ITPR2: variants seen among roughly 807,000 people sequenced by gnomAD.
ITPR2 encodes inositol 1,4,5-trisphosphate receptor type 2.
Under a neutral mutation model 317.1 loss-of-function variants are expected in ITPR2, and 207 were observed. The ratio of observed to expected loss-of-function variants is 0.65; its 90% CI spans 0.58 to 0.73. ITPR2 has a LOEUF of 0.73. Among genes scored for constraint, ITPR2 ranks in the 30% least tolerant of loss-of-function variants. The pLI is 0.00. For missense variants in ITPR2, 2,613 were observed against 3,284.0 expected (o/e 0.80, Z 4.99); for synonymous variants, 1,156 against 1,149.1 (o/e 1.01, Z -0.12).
chr12:26,752,569 T>G (rs1293440234), intron 2 of ITPR2, among the ~76,000 whole-genome samples: 3 of 152,174 alleles, frequency 2.0e-5, no homozygotes, highest in African/African-American at 7.2e-5. Context: ...AGGGGAGGCA[T>G]GAATAATCCA....
At chr12:26,777,628 C>T (rs935115781) in intron 2 of ITPR2, among the ~76,000 whole-genome samples, 11 of 152,152 alleles carry the variant, frequency 7.2e-5, no homozygotes, top group African/African-American at 2.7e-4. Context: ...TTGATAAATG[C>T]ATTCCTACTT....
At position 26,494,075 on chromosome 12, in the gene ITPR2, A is replaced by G. The variant is rs906107776; in HGVS notation, c.5370+78T>C. 12 of 1,135,452 alleles carry G rather than the reference A, an allele frequency of 1.1e-5. No homozygotes were observed. In the African/African-American group the frequency reaches 1.6e-4, roughly 15 times the overall value. The allele number at this position is 1,135,452 out of a possible 1,614,324, so 70.3% of individuals were successfully genotyped here. ...TAATAAGAGCTAAAAGAAACACATT[A>G]CTTTTCCTTGGTTTCTGTGACAAGT... On this transcript the variant is annotated intron_variant, in intron 39 of 56. Coordinates refer to ENST00000381340, the MANE Select transcript of ITPR2 (RefSeq NM_002223.4).
At position 26,494,307 on chromosome 12, in the gene ITPR2, C is replaced by T. The variant is rs770729289; in HGVS notation, c.5216G>A (p.Gly1739Glu). The change falls in exon 39 of 57, where the codon GGG becomes GAG. Residue 1739 changes from glycine to glutamate, a missense_variant. Around this residue, in one of 9 missense-constraint regions of ITPR2, gnomAD observed 926 missense variants for 1,072.8 expected, o/e 0.86. Transcript: ENST00000381340. The stretch of plus-strand genomic sequence containing the variant: ...ACACTGAATGTCTGACATTGATATC[C>T]CCATCTTATCTGAATCTTGTCCAGA... ...SFSGQDSDKMGISMSDIQCLL... is the reference protein window; with the variant it reads ...SFSGQDSDKMEISMSDIQCLL... 9 of 1,610,294 alleles carry T rather than the reference C, an allele frequency of 5.6e-6. No individual in the cohort carries two copies. Among genetic ancestry groups the T allele is most frequent in the Non-Finnish European group, 6.8e-6 (8 of 1,178,812 alleles).
chr12:26,647,678 A>T (rs1947144673), intron 21 of ITPR2, among the ~76,000 whole-genome samples: 1 of 152,216 alleles, frequency 6.6e-6, no homozygotes, highest in Admixed American at 6.5e-5. Context: ...ACTGAGAGCA[A>T]ATCGTAAGTA....
At chr12:26,735,497 G>C (rs899338060) in intron 2 of ITPR2, among the ~76,000 whole-genome samples, 5 of 152,188 alleles carry the variant, frequency 3.3e-5, no homozygotes, top group Non-Finnish European at 2.9e-5. Context: ...GAGAGGGAGA[G>C]GGGGAAGGGA....
intron 34 of ITPR2, among the ~76,000 whole-genome samples, chr12:26,564,831 C>T (rs1439254419): frequency 1.3e-5 from 2 of 152,146 alleles, no homozygotes; most frequent in Non-Finnish European, 2.9e-5. Flanking sequence ...TCCTAGTCTC[C>T]AAATTGTGAG....
intron 49 of ITPR2, among the ~76,000 whole-genome samples, chr12:26,423,816 C>T (rs1005526875): frequency 1.5e-4 from 23 of 152,122 alleles, no homozygotes; most frequent in African/African-American, 5.5e-4. Flanking sequence ...GAGAAAAAAA[C>T]ACTTGAATTT....
At chr12:26,775,945 T>TACATATATATATATATATACATAC (rs1949957183) in intron 2 of ITPR2, among the ~76,000 whole-genome samples, 1 of 145,514 alleles carries the variant, frequency 6.9e-6, no homozygotes, top group Admixed American at 7.0e-5. Context: ...TATATATATA[T>TACATATATATATATATATACATAC]ATGTATATGT....
chr12:26,416,234 G>A (rs1315402751), intron 50 of ITPR2, among the ~76,000 whole-genome samples: 1 of 152,120 alleles, frequency 6.6e-6, no homozygotes, highest in Non-Finnish European at 1.5e-5. Flanking sequence ...CTATGCACTA[G>A]TCAAGCTATG....
chr12:26,487,337 G>A lies in ITPR2; in HGVS notation c.5371-86C>T, dbSNP rs113994449. ...CTTGAACTAAACATAAGCATTATAG[G>A]CAAAAGCACACACTTAATGCACCAC... On this transcript the variant is annotated intron_variant, in intron 39 of 56. Transcript: ENST00000381340. 8.6e-4 allele frequency: 797 copies of A among 931,522 alleles called. 7 individuals carry two copies. In the African/African-American group the frequency reaches 0.012, roughly 14 times the overall value. 57.7% of individuals were successfully genotyped at this position (931,522 alleles called of 1,614,324 possible).
intron 10 of ITPR2, among the ~76,000 whole-genome samples, chr12:26,687,668 T>G (rs1461887710): frequency 6.6e-6 from 1 of 152,210 alleles, no homozygotes; most frequent in Non-Finnish European, 1.5e-5. Flanking sequence ...GCCTTGCTTT[T>G]TGGCCTCTTC....
intron 21 of ITPR2, among the ~76,000 whole-genome samples, chr12:26,634,165 T>C (rs978509907): frequency 3.3e-5 from 5 of 152,210 alleles, no homozygotes; most frequent in African/African-American, 4.8e-5. Context: ...AGGCCTCAAA[T>C]TAAAAATGCT....
At chr12:26,472,644 C>G (rs1291781347) in intron 45 of ITPR2, among the ~76,000 whole-genome samples, 1 of 152,170 alleles carries the variant, frequency 6.6e-6, no homozygotes, top group Non-Finnish European at 1.5e-5. Flanking sequence ...CCACCATCAT[C>G]TTTGCATATG....
At position 26,602,614 on chromosome 12, in the gene ITPR2, G is replaced by A. The variant is rs370950302; in HGVS notation, c.3552+3C>T. 126 of 1,604,016 alleles carry A rather than the reference G, an allele frequency of 7.9e-5. 1 individual carries two copies. Among genetic ancestry groups the A allele is most frequent in the Middle Eastern group, 1.6e-4 (1 of 6,068 alleles). ...TATATAAGAATATTTTGTATCTGCC[G>A]ACCTCCTTTACAATCCGGTAGTTAT... On this transcript the variant is annotated splice_donor_region_variant and intron_variant, in intron 27 of 56. Coordinates refer to ENST00000381340, the MANE Select transcript of ITPR2 (RefSeq NM_002223.4).
chr12:26,482,885 C>T (rs886785264), intron 42 of ITPR2, among the ~76,000 whole-genome samples: 1 of 152,148 alleles, frequency 6.6e-6, no homozygotes, highest in Non-Finnish European at 1.5e-5. Flanking sequence ...TTGATGTTTG[C>T]TCTCAATGAC....
At chr12:26,735,308 G>A (rs1949102015) in intron 2 of ITPR2, among the ~76,000 whole-genome samples, 1 of 152,088 alleles carries the variant, frequency 6.6e-6, no homozygotes, top group African/African-American at 2.4e-5. Flanking sequence ...GGCCTAGCCA[G>A]GCTTGAAATC....
chr12:26,360,082 T>C (rs1938778090), intron 55 of ITPR2, among the ~76,000 whole-genome samples: 1 of 152,142 alleles, frequency 6.6e-6, no homozygotes, highest in Admixed American at 6.6e-5. Context: ...TCTATTTTTG[T>C]CTCCGTTTCT....
chr12:26,418,434 T>C (rs1338825672), intron 50 of ITPR2, among the ~76,000 whole-genome samples: 1 of 152,138 alleles, frequency 6.6e-6, no homozygotes, highest in African/African-American at 2.4e-5. Context: ...AACCAGTACA[T>C]ATATAGGAAG....
At chr12:26,639,076 A>G (rs1336450368) in intron 21 of ITPR2, among the ~76,000 whole-genome samples, 1 of 152,184 alleles carries the variant, frequency 6.6e-6, no homozygotes, top group Non-Finnish European at 1.5e-5. Flanking sequence ...TCAGTGATAA[A>G]TTAGATTGAG....
Sources: allele counts gnomAD v4.1 joint callset (sites outside exome capture counted in the v4.1 genomes callset), GRCh38; gene constraint gnomAD v4.1.1; regional missense constraint gnomAD v4.1.1; transcripts MANE v1.5; gene names NCBI Gene and HGNC (gene_info 2026-07-23, HGNC 2026-07-21).